NHS: variants seen among roughly 807,000 people sequenced by gnomAD.
The protein encoded by NHS is NHS actin remodeling regulator.
A neutral mutation model predicts 72.5 loss-of-function variants in NHS; 5 were observed. That is an observed-to-expected ratio of 0.07 (90% CI 0.04 to 0.14). The LOEUF is 0.14. Among genes scored for constraint, NHS ranks in the 10% least tolerant of loss-of-function variants. The pLI, the probability that NHS is intolerant of heterozygous loss-of-function variation, is 1.00. For missense variants in NHS, 1,072 were observed against 1,355.7 expected (o/e 0.79, Z 3.29); for synonymous variants, 464 against 547.7 (o/e 0.85, Z 2.13).
chrX:17,609,156 TG>T (rs761894870), intron 1 of NHS, among the ~76,000 whole-genome samples: 55 of 112,140 alleles, frequency 4.9e-4, no homozygotes, highest in African/African-American at 1.6e-3. Flanking sequence ...ACCCCATCAT[TG>T]ATTTATTTAA....
At chrX:17,617,056 C>A (rs1056112508) in intron 1 of NHS, among the ~76,000 whole-genome samples, 2 of 112,380 alleles carry the variant, frequency 1.8e-5, no homozygotes, top group African/African-American at 6.5e-5. Flanking sequence ...GCCTTGCCAT[C>A]AGCTTTGTGA....
At chrX:17,701,936 T>A (rs900390151) in intron 3 of NHS, among the ~76,000 whole-genome samples, 2 of 111,307 alleles carry the variant, frequency 1.8e-5, no homozygotes, top group Non-Finnish European at 3.8e-5. Flanking sequence ...TTGATATCGA[T>A]CACAGTGGAA....
At chrX:17,656,728 C>T (rs57281575) in intron 1 of NHS, among the ~76,000 whole-genome samples, 27,855 of 111,849 alleles carry the variant, frequency 0.25, 6,343 homozygotes, top group African/African-American at 0.72. Flanking sequence ...GCGGCACTTT[C>T]CCACGCTGCC....
At chrX:17,620,596 G>GA (rs371791989) in intron 1 of NHS, among the ~76,000 whole-genome samples, 1,134 of 96,846 alleles carry the variant, frequency 0.012, 21 homozygotes, top group African/African-American at 0.037. Flanking sequence ...AAAGTTCCCT[G>GA]AAAAAAAAAA....
chrX:17,427,282 C>A (rs2064661934), intron 1 of NHS, among the ~76,000 whole-genome samples: 1 of 111,583 alleles, frequency 9.0e-6, no homozygotes, highest in Non-Finnish European at 1.9e-5. Flanking sequence ...AAAAGGTGTA[C>A]TGATAGGAAG....
rs945547778 is a variant in NHS at position 17,620,804 on chromosome X, G to A, written c.566-66938G>A. On this transcript the variant is annotated intron_variant, in intron 1 of 8. Coordinates refer to ENST00000676302, the MANE Select transcript of NHS (RefSeq NM_001291867.2). ...TGGATTTGTCTGCTCCTGAGATGAG[G>A]GAAAGTGGCCTGTCCAGGAATGGGA... 9.9e-5 allele frequency among the ~76,000 whole-genome samples: 11 copies of A among 111,320 alleles called. No homozygotes were observed. The Admixed American group carries it at 1.1e-3, about 11-fold the overall frequency.
At chrX:17,688,794 C>CA (rs774535027) in intron 2 of NHS, among the ~76,000 whole-genome samples, 23 of 112,093 alleles carry the variant, frequency 2.1e-4, no homozygotes, top group African/African-American at 6.5e-4. Context: ...TCATAGCAGT[C>CA]AAAATAGGAA....
At chrX:17,405,008 A>G (rs1214087900) in intron 1 of NHS, among the ~76,000 whole-genome samples, 1 of 111,912 alleles carries the variant, frequency 8.9e-6, no homozygotes, top group Non-Finnish European at 1.9e-5. Flanking sequence ...ATCTGAAGAC[A>G]ACAGAAGTTT....
chrX:17,384,194 T>C (rs2146840660), intron 1 of NHS, among the ~76,000 whole-genome samples: 1 of 112,259 alleles, frequency 8.9e-6, no homozygotes, highest in East Asian at 2.8e-4. Context: ...CTGTTCAGTC[T>C]ACCACTTGTA....
At chrX:17,540,634 C>T (rs937600603) in intron 1 of NHS, among the ~76,000 whole-genome samples, 1 of 111,882 alleles carries the variant, frequency 8.9e-6, no homozygotes. Flanking sequence ...AAATCTGGAT[C>T]CTAGTTCTTG....
At chrX:17,528,018 C>G (rs2065181265) in intron 1 of NHS, among the ~76,000 whole-genome samples, 1 of 111,564 alleles carries the variant, frequency 9.0e-6, no homozygotes, top group African/African-American at 3.3e-5. Flanking sequence ...CCCAACCCCA[C>G]CCCCAAATTA....
chrX:17,530,951 C>T (rs938486811), intron 1 of NHS, among the ~76,000 whole-genome samples: 4 of 111,467 alleles, frequency 3.6e-5, no homozygotes, highest in Non-Finnish European at 5.7e-5. Context: ...GCGGGAGCCA[C>T]CCTGCCAGCC....
intron 1 of NHS, among the ~76,000 whole-genome samples, chrX:17,556,883 C>T (rs1024191936): frequency 9.2e-6 from 1 of 109,180 alleles, no homozygotes; most frequent in Non-Finnish European, 1.9e-5. Context: ...AAATATCGTA[C>T]CTTATGATTG....
intron 1 of NHS, among the ~76,000 whole-genome samples, chrX:17,417,513 C>G (rs2064602617): frequency 9.0e-6 from 1 of 111,645 alleles, no homozygotes; most frequent in African/African-American, 3.3e-5. Flanking sequence ...ATCAGAACCA[C>G]TTTGGTTTCA....
At chrX:17,423,102 C>T (rs766850697) in intron 1 of NHS, among the ~76,000 whole-genome samples, 30 of 111,993 alleles carry the variant, frequency 2.7e-4, no homozygotes, top group Non-Finnish European at 4.9e-4. Context: ...TCCTACACTG[C>T]ATTTAATTAG....
At chrX:17,557,286 C>T (rs2065382884) in intron 1 of NHS, 1 of 103,934 alleles carries the variant, frequency 9.6e-6, no homozygotes, top group Admixed American at 1.1e-4. Context: ...TATCCCAGCT[C>T]CTTTGCCTCT....
intron 1 of NHS, among the ~76,000 whole-genome samples, chrX:17,609,078 C>T (rs1382022190): frequency 8.9e-6 from 1 of 111,751 alleles, no homozygotes; most frequent in Non-Finnish European, 1.9e-5. Context: ...TTGAATATCA[C>T]CCCTGGATAT....
chrX:17,383,451 TA>T (rs2064389139), intron 1 of NHS, among the ~76,000 whole-genome samples: 1 of 111,961 alleles, frequency 8.9e-6, no homozygotes, highest in East Asian at 2.8e-4. Flanking sequence ...GGGTAATTTA[TA>T]AAGAAAAGAG....
chrX:17,661,536 A>C (rs1034048730), intron 1 of NHS, among the ~76,000 whole-genome samples: 23 of 111,224 alleles, frequency 2.1e-4, no homozygotes, highest in African/African-American at 7.2e-4. Flanking sequence ...GAGGGGATTC[A>C]GCATGCACAA....
Sources: gnomAD v4.1 joint callset for allele counts (sites outside exome capture counted in the v4.1 genomes callset) on GRCh38, gnomAD v4.1.1 for gene constraint, MANE v1.5 for transcripts, NCBI Gene and HGNC (gene_info 2026-07-23, HGNC 2026-07-21) for gene names.